P4HA3: variants seen among roughly 807,000 people sequenced by gnomAD.
P4HA3 encodes prolyl 4-hydroxylase subunit alpha-3.
P4HA3 carries 60 observed loss-of-function variants against 66.7 expected under a neutral mutation model. The ratio of observed to expected loss-of-function variants is 0.90; its 90% CI spans 0.73 to 1.12. The LOEUF is 1.12. P4HA3 is among the 50% of genes most tolerant of loss of function. The probability of loss-of-function intolerance (pLI) is 0.00; values close to 1 mark genes in which losing one functional copy is unlikely to be tolerated. For missense variants in P4HA3, 683 were observed against 685.8 expected (o/e 1.00, Z 0.05); for synonymous variants, 263 against 274.6 (o/e 0.96, Z 0.42).
rs780115082 is a variant in P4HA3 at position 74,311,623 on chromosome 11, G to C, written c.-12C>G. 2.7e-6 allele frequency: 4 copies of C among 1,488,340 alleles called. No individual in the cohort carries two copies. Among genetic ancestry groups the C allele is most frequent in the South Asian group, 2.6e-5 (2 of 76,852 alleles). 92.2% of individuals were successfully genotyped at this position (1,488,340 alleles called of 1,614,324 possible). A position where few individuals can be genotyped will look rare whatever the true frequency, so the allele number is the denominator to read the frequency against. ...GCCCCAGGACCCATAGCCAGCGCTC[G>C]CGAACTTCCCCTCAGACAGTCCTGG... On this transcript the variant is annotated 5_prime_UTR_variant, in exon 1 of 13. Transcript: ENST00000331597.
In P4HA3 at chr11:74,299,895, C is replaced by T. The variant is rs538585153; in HGVS notation, c.568-1534G>A. ...GCCCAGGAACTGGAACTAAGACACC[C>T]TCATGAAACTGGATTCTATAAAAAA... On this transcript the variant is annotated intron_variant, in intron 3 of 12. Coordinates refer to ENST00000331597, the MANE Select transcript of P4HA3 (RefSeq NM_182904.5). 1.2e-4 allele frequency among the ~76,000 whole-genome samples: 19 copies of T among 152,228 alleles called. No homozygotes were observed. In the East Asian group the frequency reaches 3.3e-3, roughly 26 times the overall value.
chr11:74,251,901 T>C (rs1859679784), intron 15 of P4HA3: 1 of 826,486 alleles, frequency 1.2e-6, no homozygotes, highest in East Asian at 2.5e-5. Flanking sequence ...TGTTTCTTTG[T>C]GCTGTGCTCC....
chr11:74,280,048 A>G (rs560819158), intron 7 of P4HA3, among the ~76,000 whole-genome samples: 1 of 152,374 alleles, frequency 6.6e-6, no homozygotes, highest in East Asian at 1.9e-4. Flanking sequence ...AGATTTTCAT[A>G]GCTGCAACTG....
chr11:74,296,990 A>G (rs1290193), intron 4 of P4HA3, among the ~76,000 whole-genome samples: 93,669 of 148,292 alleles, frequency 0.63, 31,243 homozygotes, highest in African/African-American at 0.88. Flanking sequence ...GGAGGGCAAT[A>G]GCTCGATCTC....
Position 74,304,203 on chromosome 11 carries a change from T to C in P4HA3, c.343+67A>G. The C allele has an allele frequency of 1.9e-6, 3 of 1,571,586 alleles. 1 individual carries two copies. The highest frequency in any genetic ancestry group is 4.0e-4 in the Middle Eastern group (2 of 4,964). On this transcript the variant is annotated intron_variant, in intron 2 of 12. Transcript: ENST00000331597. ...TTTGAAATCACATCCCAACAGAATCTCTCTCCTTACCACCGAGTCAGGAGA... is the reference window on the plus strand; with the variant it reads ...TTTGAAATCACATCCCAACAGAATCCCTCTCCTTACCACCGAGTCAGGAGA...
At position 74,304,614 on chromosome 11, in the gene P4HA3, G is replaced by A. The variant is rs189678439; in HGVS notation, c.201-202C>T. ...ACAACAAAAGTAGGTCCACTCTTTT[G>A]TTCACTGAATGAGTCAGTCTATATT... is the stretch of plus-strand genomic sequence containing the variant. On this transcript the variant is annotated intron_variant, in intron 1 of 12. Coordinates refer to ENST00000331597, the MANE Select transcript of P4HA3 (RefSeq NM_182904.5). Among the ~76,000 whole-genome samples, 542 of 152,244 alleles carry A rather than the reference G, an allele frequency of 3.6e-3. 3 individuals carry two copies. Among genetic ancestry groups the A allele is most frequent in the Non-Finnish European group, 6.3e-3 (431 of 68,018 alleles).
downstream of P4HA3, among the ~76,000 whole-genome samples, chr11:74,262,395 G>T (rs1483589941): frequency 6.6e-6 from 1 of 152,186 alleles, no homozygotes; most frequent in Admixed American, 6.5e-5. Context: ...ATGTGGCAGA[G>T]AGAAAGAAGG....
At chr11:74,277,420 G>A (rs755975433) in intron 8 of P4HA3, among the ~76,000 whole-genome samples, 8 of 152,158 alleles carry the variant, frequency 5.3e-5, no homozygotes, top group Non-Finnish European at 8.8e-5. Context: ...CTTCAAAGCT[G>A]CTATGGTGTA....
downstream of P4HA3, among the ~76,000 whole-genome samples, chr11:74,263,169 G>A (rs187470829): frequency 5.9e-5 from 9 of 152,362 alleles, no homozygotes; most frequent in South Asian, 2.1e-4. Context: ...GCATGGACCC[G>A]CTCTGCCTTA....
chr11:74,298,985 T>G (rs191391630), intron 3 of P4HA3, among the ~76,000 whole-genome samples: 2 of 152,236 alleles, frequency 1.3e-5, no homozygotes, highest in Non-Finnish European at 2.9e-5. Context: ...ATTACATTCA[T>G]TCATTCATTC....
chr11:74,256,046 A>C (rs571884618), intron 15 of P4HA3: 15 of 469,992 alleles, frequency 3.2e-5, no homozygotes, highest in African/African-American at 2.6e-4. Context: ...CATCTAATTC[A>C]CTTGACACAC....
intron 2 of P4HA3, among the ~76,000 whole-genome samples, chr11:74,303,969 C>T (rs1861497890): frequency 6.6e-6 from 1 of 152,116 alleles, no homozygotes; most frequent in Admixed American, 6.5e-5. Context: ...TTTAATGAAA[C>T]AGAAACTACT....
intron 1 of P4HA3, among the ~76,000 whole-genome samples, chr11:74,308,798 G>A (rs1189971601): frequency 1.3e-5 from 2 of 152,084 alleles, no homozygotes; most frequent in African/African-American, 2.4e-5. Flanking sequence ...TAAAGGCTTA[G>A]CATTTGTCCA....
chr11:74,301,153 T>C (rs1861394677), intron 3 of P4HA3, among the ~76,000 whole-genome samples: 1 of 152,092 alleles, frequency 6.6e-6, no homozygotes, highest in South Asian at 2.1e-4. Context: ...ATATATATTT[T>C]TAAAAATGAA....
At chr11:74,304,779 C>T (rs567816256) in intron 1 of P4HA3, among the ~76,000 whole-genome samples, 1 of 152,296 alleles carries the variant, frequency 6.6e-6, no homozygotes, top group Admixed American at 6.5e-5. Flanking sequence ...CTCAAAAACA[C>T]TATTGAATTA....
intron 5 of P4HA3, chr11:74,287,118 G>T: frequency 8.3e-7 from 1 of 1,208,018 alleles, no homozygotes; most frequent in Non-Finnish European, 1.1e-6. Context: ...GTGCCCACCT[G>T]TTTGTACCCA....
At chr11:74,264,566 G>A (rs1239851098), downstream of P4HA3, among the ~76,000 whole-genome samples, 2 of 152,188 alleles carry the variant, frequency 1.3e-5, no homozygotes, top group African/African-American at 4.8e-5. Context: ...GGCAGGGTCA[G>A]CATCTAATTC....
At chr11:74,263,642 C>A (rs529358523), downstream of P4HA3, among the ~76,000 whole-genome samples, 1 of 152,268 alleles carries the variant, frequency 6.6e-6, no homozygotes, top group African/African-American at 2.4e-5. Context: ...TTGAAGGAGA[C>A]AAATACACCT....
At chr11:74,269,851 AATC>A in intron 10 of P4HA3, 131 bp from the exon 11 acceptor site, 1 of 972,216 alleles carries the variant, frequency 1.0e-6, no homozygotes, top group Middle Eastern at 2.2e-4. Flanking sequence ...CTTGAAAGAC[AATC>A]ATCCAACTCA....
Sources: allele counts gnomAD v4.1 joint callset (sites outside exome capture counted in the v4.1 genomes callset), GRCh38; gene constraint gnomAD v4.1.1; transcripts MANE v1.5; gene names NCBI Gene and HGNC (gene_info 2026-07-23, HGNC 2026-07-21).